VDAC1: variants seen among roughly 807,000 people sequenced by gnomAD.
VDAC1 encodes voltage dependent anion channel 1.
A neutral mutation model predicts 34.7 loss-of-function variants in VDAC1; 10 were observed. That is an observed-to-expected ratio of 0.29 (90% CI 0.18 to 0.49). The LOEUF (loss-of-function observed/expected upper bound fraction) is 0.49. VDAC1 is among the 20% of genes least tolerant of loss of function. VDAC1 has a pLI of 0.99. For missense variants in VDAC1, 230 were observed against 347.9 expected (o/e 0.66, Z 2.69); for synonymous variants, 130 against 136.0 (o/e 0.96, Z 0.30).
chr5:134,089,051 T>C, the VDAC1 span, among the ~76,000 whole-genome samples: 1 of 152,246 alleles, frequency 6.6e-6, no homozygotes, highest in South Asian at 2.1e-4. Context: ...GCTAAGACTG[T>C]GGGAGCCCAG....
chr5:134,003,215 C>A (rs1259539160), intron 1 of VDAC1, among the ~76,000 whole-genome samples: 1 of 152,174 alleles, frequency 6.6e-6, no homozygotes, highest in Non-Finnish European at 1.5e-5. Context: ...AGCACAGGGC[C>A]TCAGTGCCTC....
intron 2 of VDAC1, among the ~76,000 whole-genome samples, 159 bp from the exon 3 acceptor site, chr5:133,992,514 T>C (rs1013436172): frequency 6.6e-6 from 1 of 152,130 alleles, no homozygotes; most frequent in Admixed American, 6.5e-5. Flanking sequence ...TGGGGGGAGC[T>C]CTCAGCTGCC....
the VDAC1 span, among the ~76,000 whole-genome samples, chr5:134,014,959 T>A: frequency 6.6e-6 from 1 of 152,190 alleles, no homozygotes; most frequent in Admixed American, 6.6e-5. Flanking sequence ...GGAGTCAACC[T>A]AGGTGCCCAT....
chr5:134,046,426 C>G, the VDAC1 span, among the ~76,000 whole-genome samples: 27 of 152,278 alleles, frequency 1.8e-4, no homozygotes, highest in South Asian at 5.2e-3. Context: ...CTGCCTCAGC[C>G]TCCCAAAGTG....
chr5:134,033,207 G>A, the VDAC1 span, among the ~76,000 whole-genome samples: 2 of 148,406 alleles, frequency 1.3e-5, no homozygotes, highest in Non-Finnish European at 3.0e-5. Flanking sequence ...ACCCAGGCTG[G>A]AGTGCAATGG....
chr5:133,995,140 A>C (rs1753250141), intron 1 of VDAC1, among the ~76,000 whole-genome samples: 1 of 152,204 alleles, frequency 6.6e-6, no homozygotes, highest in South Asian at 2.1e-4. Context: ...CTGAAGTACA[A>C]GGCCACTAAA....
At chr5:133,978,445 C>T (rs1463737115) in intron 6 of VDAC1, among the ~76,000 whole-genome samples, 1 of 152,138 alleles carries the variant, frequency 6.6e-6, no homozygotes, top group Non-Finnish European at 1.5e-5. Flanking sequence ...ATTTTCGTTT[C>T]CCCATGAAAT....
intron 5 of VDAC1, among the ~76,000 whole-genome samples, chr5:133,990,454 T>A (rs915953266): frequency 6.6e-6 from 1 of 152,174 alleles, no homozygotes; most frequent in Admixed American, 6.5e-5. Context: ...TGGCAGAAAC[T>A]AGGAGAACAC....
At chr5:134,025,171 C>T in the VDAC1 span, among the ~76,000 whole-genome samples, 85 of 152,330 alleles carry the variant, frequency 5.6e-4, no homozygotes, top group African/African-American at 1.9e-3. Context: ...AAGCATGATG[C>T]CAGCATCTGC....
At chr5:134,033,184 G>A in the VDAC1 span, among the ~76,000 whole-genome samples, 4 of 139,598 alleles carry the variant, frequency 2.9e-5, no homozygotes, top group Non-Finnish European at 6.1e-5. Flanking sequence ...TTGAGACGGC[G>A]TCTGGCTCTG....
At chr5:134,004,032 C>A (rs2127037817) in intron 1 of VDAC1, among the ~76,000 whole-genome samples, 1 of 152,342 alleles carries the variant, frequency 6.6e-6, no homozygotes, top group Admixed American at 6.5e-5. Context: ...GCCCGAGCTC[C>A]GGCCTCTACC....
At chr5:133,990,508 G>A (rs752066174) in intron 5 of VDAC1, among the ~76,000 whole-genome samples, 4 of 152,188 alleles carry the variant, frequency 2.6e-5, no homozygotes, top group Non-Finnish European at 2.9e-5. Context: ...CTAAACACTG[G>A]TCTGAATCCT....
Position 133,972,969 on chromosome 5 carries a change from G to T in VDAC1, c.761-107C>A. On this transcript the variant is annotated intron_variant, in intron 8 of 8. Coordinates refer to ENST00000265333, the MANE Select transcript of VDAC1 (RefSeq NM_003374.3). The stretch of plus-strand genomic sequence containing the variant: ...ACCTGTTCCAGGTATTATCAGCAGG[G>T]TCCAAACTACATGGCCCTTCAATCC... 14 of 886,976 alleles carry T rather than the reference G, an allele frequency of 1.6e-5. 1 individual carries two copies. Among genetic ancestry groups the T allele is most frequent in the Middle Eastern group, 2.2e-4 (1 of 4,502 alleles). 54.9% of individuals were successfully genotyped at this position (886,976 alleles called of 1,614,324 possible).
chr5:134,005,522 TGA>T (rs1229149569), upstream of VDAC1: 1 of 152,242 alleles, frequency 6.6e-6, no homozygotes, highest in Non-Finnish European at 1.5e-5. Context: ...TCCATGCATT[TGA>T]GAGGCAAAAA....
the VDAC1 span, among the ~76,000 whole-genome samples, chr5:134,012,620 G>T: frequency 1.3e-5 from 2 of 152,154 alleles, no homozygotes; most frequent in African/African-American, 4.8e-5. Flanking sequence ...AACACTCCAT[G>T]CTCATGGATT....
chr5:134,085,520 A>G, the VDAC1 span, among the ~76,000 whole-genome samples: 57 of 151,936 alleles, frequency 3.8e-4, 1 homozygote, highest in Middle Eastern at 0.017. Flanking sequence ...GCTGCTGCTC[A>G]AATCGTTCTT....
chr5:134,034,180 C>CA, the VDAC1 span, among the ~76,000 whole-genome samples: 382 of 148,268 alleles, frequency 2.6e-3, 9 homozygotes, highest in South Asian at 0.04. Flanking sequence ...GTGTCACGCG[C>CA]AAAAAAAAAA....
chr5:134,066,906 A>G, the VDAC1 span, among the ~76,000 whole-genome samples: 1 of 152,204 alleles, frequency 6.6e-6, no homozygotes, highest in African/African-American at 2.4e-5. Flanking sequence ...TAGATTTTAA[A>G]TCTGCTTGGC....
At chr5:133,979,424 CTTTTTTTTTTTT>C (rs71581380) in intron 6 of VDAC1, among the ~76,000 whole-genome samples, 2 of 80,992 alleles carry the variant, frequency 2.5e-5, no homozygotes, top group Non-Finnish European at 4.2e-5. Flanking sequence ...ATTTTCTTTG[CTTTTTTTTTTTT>C]TTTTTTTTTT....
Sources: gnomAD v4.1 joint callset for allele counts (sites outside exome capture counted in the v4.1 genomes callset) on GRCh38, gnomAD v4.1.1 for gene constraint, MANE v1.5 for transcripts, NCBI Gene and HGNC (gene_info 2026-07-23, HGNC 2026-07-21) for gene names.